GOLGA3: variants seen among roughly 807,000 people sequenced by gnomAD.
The protein encoded by GOLGA3 is golgin A3.
A neutral mutation model predicts 169.4 loss-of-function variants in GOLGA3; 75 were observed. That is an observed-to-expected ratio of 0.44 (90% CI 0.37 to 0.54). The LOEUF is 0.54. GOLGA3 is among the 20% of genes least tolerant of loss of function. The probability of loss-of-function intolerance (pLI) is 0.00; values close to 1 mark genes in which losing one functional copy is unlikely to be tolerated. For synonymous variants in GOLGA3, 824 were observed against 822.4 expected (o/e 1.00, Z -0.03); for missense variants, 1,899 against 1,930.0 (o/e 0.98, Z 0.30).
In GOLGA3 at chr12:132,772,220, C is replaced by T. The variant is rs2044927415; in HGVS notation, c.*885G>A. 1 of 152,080 alleles carries T rather than the reference C, an allele frequency of 6.6e-6. No homozygotes were observed. The highest frequency in any genetic ancestry group is 2.4e-5 in the African/African-American group (1 of 41,414). The allele number at this position is 152,080 out of a possible 1,614,324, so 9.4% of individuals were successfully genotyped here. A position where few individuals can be genotyped will look rare whatever the true frequency, so the allele number is the denominator to read the frequency against. On this transcript the variant is annotated 3_prime_UTR_variant, in exon 24 of 24. Transcript: ENST00000450791. ...GGCAATCAATAATAAGTAGGTTCTT[C>T]TTCAATAACATGAGCATATGCTTCT...
chr12:132,808,518 A>C lies in GOLGA3; in HGVS notation c.551T>G (p.Phe184Cys), dbSNP rs1474619149. The C allele has an allele frequency of 1.3e-6, 2 of 1,596,102 alleles. No homozygotes were observed. Among genetic ancestry groups the C allele is most frequent in the Non-Finnish European group, 1.7e-6 (2 of 1,170,314 alleles). Residue 184 changes from phenylalanine to cysteine, a missense_variant, in exon 5 of 24, where the codon TTT becomes TGT. Coordinates refer to ENST00000450791, the MANE Select transcript of GOLGA3 (RefSeq NM_001389683.1). ...CATGAGCTCAGGATCAAGCGTGCTAAAAAGTCTCGTTTTGGTTGCAGGTTG... is the reference window on the plus strand; with the variant it reads ...CATGAGCTCAGGATCAAGCGTGCTACAAAGTCTCGTTTTGGTTGCAGGTTG... ...SSQPATKTRL[F>C]STLDPELMLN...
At chr12:132,809,312 A>T (rs1566126575) in intron 4 of GOLGA3, among the ~76,000 whole-genome samples, 1 of 152,208 alleles carries the variant, frequency 6.6e-6, no homozygotes, top group Non-Finnish European at 1.5e-5. Context: ...CATCACAGGG[A>T]GATGGTTAGG....
intron 18 of GOLGA3, among the ~76,000 whole-genome samples, chr12:132,780,075 C>T (rs2045495864): frequency 7.3e-6 from 1 of 136,558 alleles, no homozygotes; most frequent in African/African-American, 2.7e-5. Flanking sequence ...ACACCCCAGG[C>T]ACACGTGTGT....
chr12:132,798,580 C>A (rs767914910), intron 8 of GOLGA3, 103 bp from the exon 9 acceptor site: 2 of 1,006,500 alleles, frequency 2.0e-6, no homozygotes, highest in East Asian at 2.5e-5. Context: ...CTGGCTGCCC[C>A]CTCAGTGTCT....
intron 1 of GOLGA3, 146 bp from the exon 2 acceptor site, chr12:132,822,457 C>G: frequency 3.7e-6 from 2 of 535,060 alleles, no homozygotes; most frequent in Non-Finnish European, 6.3e-6. Context: ...GGAGCACCCA[C>G]AACATCCTAG....
chr12:132,806,070 C>A (rs1017403138), intron 6 of GOLGA3, among the ~76,000 whole-genome samples: 1 of 152,208 alleles, frequency 6.6e-6, no homozygotes, highest in Non-Finnish European at 1.5e-5. Context: ...CCTGCCCCCA[C>A]GCTGAGGCCT....
At chr12:132,798,251 C>G (rs1948965330) in intron 9 of GOLGA3, 89 bp downstream of exon 9, 2 of 1,262,436 alleles carry the variant, frequency 1.6e-6, no homozygotes, top group South Asian at 1.4e-5. Context: ...GAGATACACA[C>G]AGAGAGACGG....
Position 132,821,914 on chromosome 12 carries a change from G to GCCACATCCTCCCTCAACA in GOLGA3, c.133+64_133+81dup, listed in dbSNP as rs1169491875. On this transcript the variant is annotated intron_variant, in intron 2 of 23. Coordinates refer to ENST00000450791, the MANE Select transcript of GOLGA3 (RefSeq NM_001389683.1). ...GTGAAAAGCTCACAGTGGTCTCAAC[G>GCCACATCCTCCCTCAACA]CCACATCCTCCCTCAACACCACGTC... The GCCACATCCTCCCTCAACA allele has an allele frequency of 4.1e-5, 32 of 788,506 alleles. 1 individual carries two copies. In the South Asian group the frequency reaches 4.3e-4, roughly 11 times the overall value. The allele number at this position is 788,506 out of a possible 1,614,324, so 48.8% of individuals were successfully genotyped here. A position where few individuals can be genotyped will look rare whatever the true frequency, so the allele number is the denominator to read the frequency against.
At chr12:132,803,433 T>TGGC (rs757182636) in intron 7 of GOLGA3, among the ~76,000 whole-genome samples, 201 of 152,328 alleles carry the variant, frequency 1.3e-3, no homozygotes, top group Non-Finnish European at 1.7e-3. Context: ...GGTATCCGTG[T>TGGC]GGCTAATTCC....
rs953420389 is a variant in GOLGA3, at chr12:132,772,596, T to C, written c.*509A>G. ...ATTGGATTATGATATTCAGTATCTA[T>C]GTACACATCCTATGGTGGGATGGCT... On this transcript the variant is annotated 3_prime_UTR_variant, in exon 24 of 24. Coordinates refer to ENST00000450791, the MANE Select transcript of GOLGA3 (RefSeq NM_001389683.1). 6.7e-6 allele frequency: 1 copy of C among 149,842 alleles called. No homozygotes were observed. Among genetic ancestry groups the C allele is most frequent in the African/African-American group, 2.5e-5 (1 of 40,670 alleles). The allele number at this position is 149,842 out of a possible 1,614,324, so 9.3% of individuals were successfully genotyped here.
intron 15 of GOLGA3, among the ~76,000 whole-genome samples, chr12:132,784,955 C>T (rs2045822961): frequency 1.3e-5 from 2 of 152,216 alleles, no homozygotes; most frequent in African/African-American, 2.4e-5. Flanking sequence ...TCTCACACCC[C>T]GCCCACTTGC....
In GOLGA3 at chr12:132,776,643, C is replaced by G. The variant is rs201054699; in HGVS notation, c.3969G>C (p.Gln1323His). 6.2e-6 allele frequency: 10 copies of G among 1,610,810 alleles called. No individual in the cohort carries two copies. The Admixed American group carries it at 1.5e-4, about 24-fold the overall frequency. ...QGRKELEGLQQLLQNVKSELE... is the reference protein window; with the variant it reads ...QGRKELEGLQHLLQNVKSELE... ...CCTCACACACAGGTACCTGCAGCAG[C>G]TGCTGTAGCCCTTCCAGTTCCTTCC... is the stretch of plus-strand genomic sequence containing the variant. The change falls in exon 21 of 24, where the codon CAG (glutamine) becomes CAC (histidine). Residue 1323 changes from glutamine to histidine, a missense_variant. Gln to His is a conservative substitution (Grantham distance 24, BLOSUM62 0). Coordinates refer to ENST00000450791, the MANE Select transcript of GOLGA3 (RefSeq NM_001389683.1).
At position 132,784,214 on chromosome 12, in the gene GOLGA3, T is replaced by C. The variant is rs1380136518; in HGVS notation, c.3217A>G (p.Ser1073Gly). ...TCCCGGGACTCCTCCAGCTCCTGGC[T>C]GGTCAGCGCTATGACCTCCTGCAGT... Reference protein sequence around the residue: ...KELQEVIALTSQELEESREKV... With the variant: ...KELQEVIALTGQELEESREKV... The change falls in exon 16 of 24, where the codon AGC (serine) becomes GGC (glycine). Residue 1073 changes from serine to glycine, a missense_variant. Coordinates refer to ENST00000450791, the MANE Select transcript of GOLGA3 (RefSeq NM_001389683.1). 6.2e-7 allele frequency: 1 copy of C among 1,610,980 alleles called. No homozygotes were observed. The highest frequency in any genetic ancestry group is 8.5e-7 in the Non-Finnish European group (1 of 1,180,018).
At chr12:132,827,905 T>TA (rs11433430) in intron 1 of GOLGA3, 32,297 of 141,840 alleles carry the variant, frequency 0.23, 3,713 homozygotes, top group African/African-American at 0.26. Flanking sequence ...CCCAGTCTCT[T>TA]AAAAAAAAAA....
chr12:132,795,276 G>C (rs1948777909), intron 11 of GOLGA3, among the ~76,000 whole-genome samples: 1 of 152,140 alleles, frequency 6.6e-6, no homozygotes, highest in Non-Finnish European at 1.5e-5. Context: ...CAGATCACTT[G>C]GGTTTAGGAG....
rs757086925 is a variant in GOLGA3 at position 132,789,205 on chromosome 12, G to A, written c.2633C>T (p.Ser878Leu). The A allele has an allele frequency of 3.3e-5, 53 of 1,610,778 alleles. No homozygotes were observed. Among genetic ancestry groups the A allele is most frequent in the African/African-American group, 5.3e-5 (4 of 74,940 alleles). The change falls in exon 13 of 24, where the codon TCG becomes TTG. Residue 878 changes from serine to leucine, a missense_variant. Physicochemically the swap from Ser to Leu is moderately radical, Grantham distance 145 (BLOSUM62 -2). Transcript: ENST00000450791. ...CTCCTGCCGCAGCTCCTTCAGCTCC[G>A]AGTCCAGCCTCTTCCTGGTGGCTTT... ...ELKATRKRLD[S>L]ELKELRQELM... is the part of the protein sequence containing the mutation.
rs745472291 is a variant in GOLGA3 at position 132,789,111 on chromosome 12, G to T, written c.2727C>A (p.Ala909=). The T allele has an allele frequency of 2.5e-6, 4 of 1,613,362 alleles. 1 individual carries two copies. In the South Asian group the frequency reaches 4.4e-5, roughly 18 times the overall value. The change falls in exon 13 of 24, where the codon GCC becomes GCA. Residue 909 remains alanine, a synonymous_variant. Coordinates refer to ENST00000450791, the MANE Select transcript of GOLGA3 (RefSeq NM_001389683.1). The part of the protein sequence containing the change: ...AELSRLHREV[A]QVRQHMADLE... ...GGTCCGCCATGTGCTGACGGACCTGGGCCACCTCTCTGTGCAGGCGCGAGA... is the reference window on the plus strand; with the variant it reads ...GGTCCGCCATGTGCTGACGGACCTGTGCCACCTCTCTGTGCAGGCGCGAGA...
intron 3 of GOLGA3, among the ~76,000 whole-genome samples, chr12:132,815,867 C>G (rs1949932281): frequency 6.6e-6 from 1 of 152,162 alleles, no homozygotes; most frequent in African/African-American, 2.4e-5. Context: ...CCACTGGCCT[C>G]CAGCCTGGGC....
rs542151407 is a variant in GOLGA3 at position 132,804,189 on chromosome 12, C to T, written c.1597+527G>A. 1.3e-5 allele frequency among the ~76,000 whole-genome samples: 2 copies of T among 152,212 alleles called. No homozygotes were observed. The highest frequency in any genetic ancestry group is 4.1e-4 in the South Asian group (2 of 4,832). ...ACTGCATCCAGGGAGAAAAGGTTGCCAGACGGACAGTCAAGGAGCTGTTCT... is the reference window on the plus strand; with the variant it reads ...ACTGCATCCAGGGAGAAAAGGTTGCTAGACGGACAGTCAAGGAGCTGTTCT... On this transcript the variant is annotated intron_variant, in intron 7 of 23. Coordinates refer to ENST00000450791, the MANE Select transcript of GOLGA3 (RefSeq NM_001389683.1). The surrounding 1 kb of genome is among the most constrained non-coding windows in gnomAD (Gnocchi z 4.1).
Sources: gnomAD v4.1 joint callset for allele counts (sites outside exome capture counted in the v4.1 genomes callset) on GRCh38, gnomAD v4.1.1 for gene constraint, Gnocchi (gnomAD v3.1) non-coding constraint, MANE v1.5 for transcripts, NCBI Gene and HGNC (gene_info 2026-07-23, HGNC 2026-07-21) for gene names.